COMMD1: variants seen among roughly 807,000 people sequenced by gnomAD.
COMMD1 encodes the protein COMM domain-containing protein 1.
COMMD1 carries 10 observed loss-of-function variants against 17.2 expected under a neutral mutation model. The observed-to-expected ratio is 0.58, with a 90% CI of 0.36 to 0.99. The LOEUF (loss-of-function observed/expected upper bound fraction) is 0.99. Among genes scored for constraint, COMMD1 ranks in the 50% least tolerant of loss-of-function variants. The probability of loss-of-function intolerance (pLI) is 0.01; values close to 1 mark genes in which losing one functional copy is unlikely to be tolerated. For missense variants in COMMD1, 270 were observed against 231.8 expected (o/e 1.17, Z -1.07); for synonymous variants, 97 against 91.6 (o/e 1.06, Z -0.34).
chr2:61,898,779 AT>A (rs1335268411), intron 1 of COMMD1, among the ~76,000 whole-genome samples: 3 of 152,108 alleles, frequency 2.0e-5, no homozygotes, highest in African/African-American at 7.2e-5. Flanking sequence ...TTAGTTAGGT[AT>A]TTATAATTTC....
intron 2 of COMMD1, among the ~76,000 whole-genome samples, chr2:62,058,336 T>TA (rs1254861051): frequency 9.2e-5 from 14 of 152,174 alleles, no homozygotes; most frequent in African/African-American, 3.4e-4. Context: ...CAATCATAGT[T>TA]AGAGATTTTT....
At chr2:62,105,007 C>A (rs1272075059) in intron 2 of COMMD1, among the ~76,000 whole-genome samples, 1 of 151,888 alleles carries the variant, frequency 6.6e-6, no homozygotes, top group Non-Finnish European at 1.5e-5. Context: ...TGCCTGTAAT[C>A]CCAGCTACTC....
At chr2:62,106,234 A>G (rs1438974006) in intron 2 of COMMD1, among the ~76,000 whole-genome samples, 1 of 152,238 alleles carries the variant, frequency 6.6e-6, no homozygotes, top group African/African-American at 2.4e-5. Flanking sequence ...CAAGGGGCAC[A>G]TGTACATCAT....
intron 1 of COMMD1, among the ~76,000 whole-genome samples, chr2:61,925,509 T>C (rs1670308157): frequency 6.6e-6 from 1 of 152,168 alleles, no homozygotes; most frequent in East Asian, 1.9e-4. Context: ...AAAGTTTGTT[T>C]ATGCTTCCTA....
intron 2 of COMMD1, among the ~76,000 whole-genome samples, chr2:62,086,381 T>G (rs916280496): frequency 2.0e-5 from 3 of 151,012 alleles, no homozygotes; most frequent in Admixed American, 1.3e-4. Flanking sequence ...CCTGGCGGCG[T>G]GCGCCTGTAG....
chr2:61,926,870 A>C (rs1222913541), intron 1 of COMMD1, among the ~76,000 whole-genome samples: 2 of 152,100 alleles, frequency 1.3e-5, no homozygotes, highest in African/African-American at 2.4e-5. Context: ...TATAGGCCAC[A>C]GGTGCCTCTG....
chr2:62,105,644 C>T (rs936006472), intron 2 of COMMD1, among the ~76,000 whole-genome samples: 8 of 152,090 alleles, frequency 5.3e-5, no homozygotes. Flanking sequence ...ACCAACATGG[C>T]AAACCCCCGT....
chr2:61,906,019 C>G (rs1237569218), intron 1 of COMMD1, among the ~76,000 whole-genome samples, 161 bp downstream of exon 1: 1 of 152,204 alleles, frequency 6.6e-6, no homozygotes, highest in East Asian at 1.9e-4. Flanking sequence ...CAGATTTGCT[C>G]GTTCTGTCGC....
intron 1 of COMMD1, among the ~76,000 whole-genome samples, chr2:61,890,026 G>T (rs530772072): frequency 5.3e-4 from 80 of 152,268 alleles, no homozygotes; most frequent in South Asian, 2.1e-3. Flanking sequence ...AGGACCAGAA[G>T]CCATGAGCTA....
chr2:61,978,907 A>G (rs186522464), intron 1 of COMMD1, among the ~76,000 whole-genome samples: 129 of 152,310 alleles, frequency 8.5e-4, no homozygotes, highest in South Asian at 3.3e-3. Context: ...TCTAATAATC[A>G]TATCAGGGGA....
chr2:61,966,783 T>G (rs1671516045), intron 1 of COMMD1, among the ~76,000 whole-genome samples: 1 of 152,012 alleles, frequency 6.6e-6, no homozygotes, highest in African/African-American at 2.4e-5. Flanking sequence ...GTTGGGAAAT[T>G]AAAAGATTTA....
chr2:61,905,570 CAGGT>C, upstream of COMMD1: 3 of 1,157,250 alleles, frequency 2.6e-6, no homozygotes, highest in Non-Finnish European at 3.6e-6. Context: ...GCCTTGCCTC[CAGGT>C]TCCCCGAGGT....
chr2:61,903,822 G>A (rs899601436), upstream of COMMD1, among the ~76,000 whole-genome samples: 5 of 152,204 alleles, frequency 3.3e-5, no homozygotes, highest in South Asian at 2.1e-4. Flanking sequence ...GGTTACAGGC[G>A]TGAGCCACCA....
chr2:62,088,353 A>G (rs1671727191), intron 2 of COMMD1, among the ~76,000 whole-genome samples: 1 of 152,184 alleles, frequency 6.6e-6, no homozygotes, highest in African/African-American at 2.4e-5. Context: ...TCAGATCTAC[A>G]TGTTTTAACT....
Position 61,905,713 on chromosome 2 carries a change from T to C in COMMD1, c.35T>C (p.Leu12Pro), listed in dbSNP as rs757477065. 3 of 1,602,862 alleles carry C rather than the reference T, an allele frequency of 1.9e-6. No individual in the cohort carries two copies. The South Asian group carries it at 3.3e-5, about 18-fold the overall frequency. Residue 12 changes from leucine (L) to proline (P), a missense_variant, in exon 1 of 3, where the codon CTG becomes CCG. Leu to Pro is a moderately conservative substitution (Grantham distance 98). Transcript: ENST00000311832. ...GGCGAGCTTGAGGGTGGCAAACCCC[T>C]GAGCGGGCTGCTGAATGCGCTGGCC... ...AAGELEGGKP[L>P]SGLLNALAQD...
intron 2 of COMMD1, among the ~76,000 whole-genome samples, chr2:62,094,245 C>G (rs548341533): frequency 6.6e-6 from 1 of 152,240 alleles, no homozygotes; most frequent in African/African-American, 2.4e-5. Flanking sequence ...GCAGGAGTAC[C>G]TCATAAGAGG....
At chr2:62,059,686 GC>G (rs765571199) in intron 2 of COMMD1, among the ~76,000 whole-genome samples, 8 of 152,162 alleles carry the variant, frequency 5.3e-5, no homozygotes, top group Non-Finnish European at 8.8e-5. Context: ...TCCTGCCTCA[GC>G]CACCCCAGTA....
intron 2 of COMMD1, among the ~76,000 whole-genome samples, chr2:62,017,107 C>T (rs796880502): frequency 2.6e-5 from 4 of 152,310 alleles, no homozygotes; most frequent in African/African-American, 9.6e-5. Flanking sequence ...CTCAGATTAA[C>T]TGCCAAATAA....
At chr2:61,964,458 C>G (rs1671452448) in intron 1 of COMMD1, among the ~76,000 whole-genome samples, 1 of 152,196 alleles carries the variant, frequency 6.6e-6, no homozygotes, top group African/African-American at 2.4e-5. Flanking sequence ...AAGCAATCCG[C>G]CCCATTTGGC....
Sources: gnomAD v4.1 joint callset for allele counts (sites outside exome capture counted in the v4.1 genomes callset) on GRCh38, gnomAD v4.1.1 for gene constraint, MANE v1.5 for transcripts, NCBI Gene and HGNC (gene_info 2026-07-23, HGNC 2026-07-21) for gene names.